KCNQ5: variants seen among roughly 807,000 people sequenced by gnomAD.
The protein encoded by KCNQ5 is potassium voltage-gated channel subfamily KQT member 5.
A neutral mutation model predicts 98.2 loss-of-function variants in KCNQ5; 30 were observed. The observed-to-expected ratio is 0.31, with a 90% confidence interval of 0.23 to 0.41. The LOEUF (loss-of-function observed/expected upper bound fraction) is 0.41, where lower values mean the gene tolerates loss of function less well. Ranked by LOEUF, KCNQ5 falls within the 10% of genes least tolerant of loss-of-function variation. The probability of loss-of-function intolerance (pLI) is 1.00; values close to 1 mark genes in which losing one functional copy is unlikely to be tolerated. For synonymous variants in KCNQ5, 458 were observed against 449.4 expected (o/e 1.02, Z -0.24); for missense variants, 835 against 1,182.5 (o/e 0.71, Z 4.31).
At chr6:72,651,108 T>C (rs1765854848) in intron 1 of KCNQ5, among the ~76,000 whole-genome samples, 1 of 152,098 alleles carries the variant, frequency 6.6e-6, no homozygotes, top group Non-Finnish European at 1.5e-5. Context: ...TCCTATCTTG[T>C]TCTTATATAT....
chr6:73,035,012 AT>A (rs374262718), intron 2 of KCNQ5, among the ~76,000 whole-genome samples: 21,575 of 151,468 alleles, frequency 0.14, 2,116 homozygotes, highest in African/African-American at 0.27. Context: ...CACCCAGCTA[AT>A]TTTTTGTATT....
chr6:73,098,386 G>A (rs1395426487), intron 5 of KCNQ5, among the ~76,000 whole-genome samples: 1 of 152,096 alleles, frequency 6.6e-6, no homozygotes, highest in Non-Finnish European at 1.5e-5. Context: ...CAAACCTAGA[G>A]AAAGATATCA....
At chr6:72,923,073 A>G (rs1385384415) in intron 1 of KCNQ5, among the ~76,000 whole-genome samples, 2 of 151,806 alleles carry the variant, frequency 1.3e-5, no homozygotes, top group East Asian at 1.9e-4. Context: ...CTGCCTCCCA[A>G]AGTGCTGGGA....
chr6:72,636,464 G>C (rs2098924176), intron 1 of KCNQ5, among the ~76,000 whole-genome samples: 1 of 152,228 alleles, frequency 6.6e-6, no homozygotes, highest in South Asian at 2.1e-4. Context: ...CATAGACCTT[G>C]TGAAAGCGAT....
At chr6:72,657,854 T>A (rs1345467127) in intron 1 of KCNQ5, among the ~76,000 whole-genome samples, 1 of 152,240 alleles carries the variant, frequency 6.6e-6, no homozygotes, top group Non-Finnish European at 1.5e-5. Context: ...CTATTCTCAC[T>A]TGTTATTCGT....
chr6:72,891,111 T>A (rs1779040157), intron 1 of KCNQ5, among the ~76,000 whole-genome samples: 1 of 152,214 alleles, frequency 6.6e-6, no homozygotes. Context: ...GGTGGGTATA[T>A]GAGTACTTTG....
chr6:73,062,785 G>A (rs1028716135), intron 3 of KCNQ5, among the ~76,000 whole-genome samples: 2 of 152,104 alleles, frequency 1.3e-5, no homozygotes, highest in African/African-American at 4.8e-5. Flanking sequence ...TCTTTTACAG[G>A]AGGCTTGTCT....
chr6:72,703,410 T>C (rs1768923976), intron 1 of KCNQ5, among the ~76,000 whole-genome samples: 1 of 152,198 alleles, frequency 6.6e-6, no homozygotes, highest in Non-Finnish European at 1.5e-5. Context: ...CTTCTATGGC[T>C]GGTTTGTTTG....
At chr6:73,146,768 C>T (rs1052435672) in intron 10 of KCNQ5, among the ~76,000 whole-genome samples, 1 of 151,752 alleles carries the variant, frequency 6.6e-6, no homozygotes, top group Non-Finnish European at 1.5e-5. Context: ...TGTGATTGAC[C>T]ACTTGGCTTC....
At chr6:72,766,346 G>A (rs1772570564) in intron 1 of KCNQ5, among the ~76,000 whole-genome samples, 1 of 152,020 alleles carries the variant, frequency 6.6e-6, no homozygotes, top group African/African-American at 2.4e-5. Context: ...CCATAACACG[G>A]CCTTTGAATT....
chr6:73,181,195 G>A (rs1375743642), intron 11 of KCNQ5, among the ~76,000 whole-genome samples: 1 of 152,150 alleles, frequency 6.6e-6, no homozygotes, highest in Non-Finnish European at 1.5e-5. Flanking sequence ...TTAGGTTTGT[G>A]ATGAATCTTT....
At position 73,196,542 on chromosome 6, in the gene KCNQ5, A is replaced by G. The variant is rs754669175; in HGVS notation, c.*1128A>G. 4 of 152,244 alleles carry G rather than the reference A, an allele frequency of 2.6e-5. No homozygotes were observed. The highest frequency in any genetic ancestry group is 4.8e-5 in the African/African-American group (2 of 41,466). The allele number at this position is 152,244 out of a possible 1,614,324, so 9.4% of individuals were successfully genotyped here. A position where few individuals can be genotyped will look rare whatever the true frequency, so the allele number is the denominator to read the frequency against. On this transcript the variant is annotated 3_prime_UTR_variant, in exon 14 of 14. Coordinates refer to ENST00000370398, the MANE Select transcript of KCNQ5 (RefSeq NM_019842.4). ...CTACCTAATCTTCCCTTATTCTTAT[A>G]TATAAGCAGAGAATTTTTGCAAGGT...
chr6:72,746,968 T>G (rs971320426), intron 1 of KCNQ5, among the ~76,000 whole-genome samples: 12 of 152,168 alleles, frequency 7.9e-5, no homozygotes, highest in Non-Finnish European at 1.6e-4. Flanking sequence ...TGTTACACTC[T>G]AAGTCTTGCC....
intron 1 of KCNQ5, among the ~76,000 whole-genome samples, chr6:72,779,587 A>C (rs774860419): frequency 2.6e-5 from 4 of 152,146 alleles, no homozygotes; most frequent in Non-Finnish European, 5.9e-5. Context: ...GAGAGTAGGC[A>C]AAGGAATTAC....
chr6:72,863,225 A>G (rs1777840614), intron 1 of KCNQ5, among the ~76,000 whole-genome samples: 1 of 152,194 alleles, frequency 6.6e-6, no homozygotes, highest in Non-Finnish European at 1.5e-5. Context: ...TTTCCTGCCC[A>G]TACTAAATAG....
intron 5 of KCNQ5, among the ~76,000 whole-genome samples, chr6:73,088,925 G>A (rs979547483): frequency 6.6e-6 from 1 of 151,940 alleles, no homozygotes. Flanking sequence ...ACTGGTCTCT[G>A]CACCTCTCAT....
intron 1 of KCNQ5, among the ~76,000 whole-genome samples, chr6:72,738,830 T>C (rs1770982808): frequency 6.6e-6 from 1 of 152,170 alleles, no homozygotes. Flanking sequence ...ATTCCAACTA[T>C]ATGACATTCT....
chr6:73,194,632 A>T lies in KCNQ5; in HGVS notation c.2017A>T (p.Ser673Cys). ...AGATCTTTCGGGTTCCGCACAAAAC[A>T]GTGGCTGCTTATCCAGATCAACTAG... The part of the protein sequence containing the change: ...SKDLSGSAQN[S>C]GCLSRSTSAN... The change falls in exon 14 of 14, where the codon AGT (serine) becomes TGT (cysteine). Residue 673 changes from serine (S) to cysteine (C), a missense_variant. This residue lies in a region of KCNQ5 where 416 missense variants were observed against 446.9 expected (regional missense o/e 0.93). Coordinates refer to ENST00000370398, the MANE Select transcript of KCNQ5 (RefSeq NM_019842.4). 1.2e-6 allele frequency: 2 copies of T among 1,614,250 alleles called. No homozygotes were observed. Among genetic ancestry groups the T allele is most frequent in the Non-Finnish European group, 1.7e-6 (2 of 1,180,048 alleles).
chr6:72,792,960 G>A (rs963115687), intron 1 of KCNQ5, among the ~76,000 whole-genome samples: 15 of 152,280 alleles, frequency 9.9e-5, no homozygotes, highest in African/African-American at 3.4e-4. Context: ...GTCTCCATGG[G>A]AATAGAATGT....
Sources: gnomAD v4.1 joint callset for allele counts (sites outside exome capture counted in the v4.1 genomes callset) on GRCh38, gnomAD v4.1.1 for gene constraint, gnomAD v4.1.1 regional missense constraint, MANE v1.5 for transcripts, NCBI Gene and HGNC (gene_info 2026-07-23, HGNC 2026-07-21) for gene names.